Variants in USH2A observed in about 807,000 individuals in gnomAD.
USH2A encodes the protein usherin, also known as Usher syndrome 2A (autosomal recessive, mild).
A neutral mutation model predicts 538.9 loss-of-function variants in USH2A; 443 were observed. The observed-to-expected ratio is 0.82, with a 90% confidence interval of 0.76 to 0.89. USH2A has a LOEUF of 0.89. USH2A is among the 40% of genes least tolerant of loss of function. The pLI is 0.00. For missense variants in USH2A, 6,633 were observed against 6,324.8 expected, an observed-to-expected ratio of 1.05 and a Z score of -1.65; for synonymous variants, 2,413 against 2,273.5, an observed-to-expected ratio of 1.06 and a Z score of -1.75.
chr1:216,327,543 G>C, intron 5 of USH2A, 48 bp downstream of exon 5: 2 of 1,594,094 alleles, frequency 1.3e-6, no homozygotes, highest in Non-Finnish European at 1.7e-6. Flanking sequence ...AGTGAATTCA[G>C]CATTTATCCT....
In USH2A at chr1:215,871,661, T is replaced by A. The variant is rs139095528; in HGVS notation, c.8682-4491A>T. ...GGTGTTAAAAATAATAAAATTGTTA[T>A]CTGTCCACCTGGAGCCATAATGTAT... On this transcript the variant is annotated intron_variant, in intron 43 of 71. Transcript: ENST00000307340. Among the ~76,000 whole-genome samples the A allele has an allele frequency of 3.9e-3, 595 of 152,362 alleles. 4 individuals are homozygous for A. The highest frequency in any genetic ancestry group is 0.014 in the African/African-American group (563 of 41,594).
At chr1:216,362,919 A>T (rs2038521409) in intron 4 of USH2A, among the ~76,000 whole-genome samples, 1 of 151,300 alleles carries the variant, frequency 6.6e-6, no homozygotes, top group South Asian at 2.1e-4. Flanking sequence ...AGCCTGGGCG[A>T]CAAGAGCGAA....
intron 49 of USH2A, among the ~76,000 whole-genome samples, chr1:215,808,350 T>C (rs972130754): frequency 6.6e-6 from 1 of 152,140 alleles, no homozygotes; most frequent in East Asian, 1.9e-4. Flanking sequence ...AATTTAACCA[T>C]GAAAATTCCT....
chr1:215,831,399 C>A (rs1330784225), intron 47 of USH2A, among the ~76,000 whole-genome samples: 1 of 152,092 alleles, frequency 6.6e-6, no homozygotes, highest in African/African-American at 2.4e-5. Flanking sequence ...TATCTGACAA[C>A]AACAGACTGT....
intron 32 of USH2A, among the ~76,000 whole-genome samples, chr1:216,035,858 A>G (rs1031227069): frequency 6.6e-6 from 1 of 152,168 alleles, no homozygotes; most frequent in Non-Finnish European, 1.5e-5. Context: ...TATGTGAGAT[A>G]TTACAGAAAT....
intron 16 of USH2A, chr1:216,204,059 T>C (rs957165394): frequency 6.2e-6 from 1 of 161,674 alleles, no homozygotes. Flanking sequence ...AATCTGACTT[T>C]CATCAGTAAT....
chr1:215,937,364 A>T (rs577830558), intron 37 of USH2A, among the ~76,000 whole-genome samples: 33 of 152,260 alleles, frequency 2.2e-4, no homozygotes, highest in African/African-American at 6.5e-4. Context: ...TTTCCAATTT[A>T]TGCCATTTTA....
intron 14 of USH2A, 102 bp downstream of exon 14, chr1:216,231,851 C>CAA: frequency 1.4e-6 from 2 of 1,454,198 alleles, no homozygotes; most frequent in African/African-American, 2.8e-5. Context: ...CCAAGCCGGG[C>CAA]AAAAAAAATA....
intron 9 of USH2A, among the ~76,000 whole-genome samples, chr1:216,316,992 G>C (rs894736976): frequency 3.3e-5 from 5 of 152,128 alleles, no homozygotes; most frequent in Non-Finnish European, 1.5e-5. Flanking sequence ...ACCTTTGTCA[G>C]ATGGATAGAA....
In USH2A at chr1:215,680,355, G is replaced by A. The variant is rs141528682; in HGVS notation, c.12088C>T (p.Leu4030=). 331 of 1,613,904 alleles carry A rather than the reference G, an allele frequency of 2.1e-4. 1 individual carries two copies. Among genetic ancestry groups the A allele is most frequent in the Middle Eastern group, 2.0e-3 (12 of 6,062 alleles). The change falls in exon 62 of 72, where the codon CTG becomes TTG. Residue 4030 remains leucine (L), a synonymous_variant. Coordinates refer to ENST00000307340, the MANE Select transcript of USH2A (RefSeq NM_206933.4). ...GTTGTGAATGGTTCTAACCCGTACA[G>A]GTGGGCTTGATGGCTTGTTCCCTGT... ...TVKGTSHQAH[L]YGLEPFTTYR...
At chr1:216,261,313 C>A (rs978392832) in intron 11 of USH2A, among the ~76,000 whole-genome samples, 9 of 151,346 alleles carry the variant, frequency 5.9e-5, no homozygotes, top group Non-Finnish European at 1.3e-4. Flanking sequence ...AGAAAGAATT[C>A]TTAAATATTA....
chr1:215,632,040 T>C (rs1457417506), intron 70 of USH2A, among the ~76,000 whole-genome samples: 1 of 152,096 alleles, frequency 6.6e-6, no homozygotes, highest in Non-Finnish European at 1.5e-5. Flanking sequence ...TTGCTGTGCA[T>C]CAGACTTCTT....
intron 44 of USH2A, among the ~76,000 whole-genome samples, chr1:215,862,937 C>CT (rs1553270587): frequency 1.3e-5 from 2 of 152,060 alleles, no homozygotes; most frequent in Non-Finnish European, 1.5e-5. Flanking sequence ...ACAATGTTGG[C>CT]GGTTGTCATT....
chr1:216,072,767 A>G, intron 29 of USH2A, 122 bp downstream of exon 29: 1 of 939,072 alleles, frequency 1.1e-6, no homozygotes, highest in Non-Finnish European at 1.7e-6. Flanking sequence ...AAACCAAGGC[A>G]TGCTCTGTCA....
chr1:215,855,570 C>T (rs1273764908), intron 44 of USH2A, among the ~76,000 whole-genome samples: 1 of 152,060 alleles, frequency 6.6e-6, no homozygotes. Flanking sequence ...GATCATACTG[C>T]CAAAAGCAAT....
At chr1:215,982,883 C>T (rs2102468297) in intron 35 of USH2A, among the ~76,000 whole-genome samples, 1 of 152,248 alleles carries the variant, frequency 6.6e-6, no homozygotes, top group East Asian at 1.9e-4. Flanking sequence ...GAGGTGGATG[C>T]TAACCTAGTC....
In USH2A at chr1:216,250,890, G is replaced by A. The variant is rs2036146043; in HGVS notation, c.2167+13C>T. The A allele has an allele frequency of 6.2e-7, 1 of 1,613,240 alleles. No individual in the cohort carries two copies. The highest frequency in any genetic ancestry group is 8.5e-7 in the Non-Finnish European group (1 of 1,179,620). On this transcript the variant is annotated intron_variant, in intron 12 of 71. Coordinates refer to ENST00000307340, the MANE Select transcript of USH2A (RefSeq NM_206933.4). The stretch of plus-strand genomic sequence containing the variant: ...AATAGAGATGTGACTGTAAACTTTT[G>A]CGTTACACGTACCAATAACGTTTGC...
chr1:216,285,689 C>A lies in USH2A; in HGVS notation c.1971+3591G>T, dbSNP rs569073279. On this transcript the variant is annotated intron_variant, in intron 11 of 71. Transcript: ENST00000307340. Reference sequence around the variant, plus strand: ...AAAGCCACAGACACTCAATGCCAGCCTGTGAAAGGAGCCAGAAGGAGGGCT... The same window carrying A: ...AAAGCCACAGACACTCAATGCCAGCATGTGAAAGGAGCCAGAAGGAGGGCT... Among the ~76,000 whole-genome samples, 277 of 152,310 alleles carry A rather than the reference C, an allele frequency of 1.8e-3. 3 individuals are homozygous for A. The highest frequency in any genetic ancestry group is 6.5e-3 in the African/African-American group (270 of 41,574).
intron 56 of USH2A, among the ~76,000 whole-genome samples, 191 bp from the exon 57 acceptor site, chr1:215,760,034 C>T (rs143167127): frequency 6.1e-4 from 93 of 152,012 alleles, no homozygotes; most frequent in Middle Eastern, 3.4e-3. Context: ...TTTTGAATTG[C>T]CTTTGGAAAG....
Sources: allele counts gnomAD v4.1 joint callset (sites outside exome capture counted in the v4.1 genomes callset), GRCh38; gene constraint gnomAD v4.1.1; transcripts MANE v1.5; gene names NCBI Gene and HGNC (gene_info 2026-07-23, HGNC 2026-07-21).